The following CFAP299 variants were observed in gnomAD, a reference collection of about 807,000 sequenced individuals.
CFAP299 encodes the protein cilia and flagella associated protein 299.
Under a neutral mutation model 27.0 loss-of-function variants are expected in CFAP299, and 21 were observed. The observed-to-expected ratio is 0.78, with a 90% confidence interval of 0.55 to 1.12. The LOEUF is 1.12. Among genes scored for constraint, CFAP299 ranks in the 50% most tolerant of loss-of-function variants. CFAP299 has a pLI of 0.00. For synonymous variants in CFAP299, 104 were observed against 98.1 expected (o/e 1.06, Z -0.36); for missense variants, 310 against 276.6 (o/e 1.12, Z -0.86).
chr4:80,696,168 G>T (rs1332203339), intron 3 of CFAP299, among the ~76,000 whole-genome samples: 1 of 151,872 alleles, frequency 6.6e-6, no homozygotes, highest in African/African-American at 2.4e-5. Context: ...TGGCATGGTG[G>T]CACGCACGTG....
chr4:80,669,345 G>A (rs931603276), intron 3 of CFAP299, among the ~76,000 whole-genome samples: 1 of 150,618 alleles, frequency 6.6e-6, no homozygotes, highest in Admixed American at 6.6e-5. Flanking sequence ...TAGAGATGGG[G>A]TTTCACCATG....
intron 3 of CFAP299, among the ~76,000 whole-genome samples, chr4:80,784,530 T>C (rs1454850409): frequency 6.6e-6 from 1 of 152,146 alleles, no homozygotes; most frequent in Non-Finnish European, 1.5e-5. Flanking sequence ...TTTCTTTCTT[T>C]TTTTGAGACG....
intron 1 of CFAP299, among the ~76,000 whole-genome samples, chr4:80,338,814 C>T (rs1722289470): frequency 5.9e-5 from 9 of 152,224 alleles, no homozygotes; most frequent in Admixed American, 5.9e-4. Flanking sequence ...CAAACATTTA[C>T]TATCTTCCAG....
chr4:80,585,219 G>T (rs1482580632), intron 3 of CFAP299, among the ~76,000 whole-genome samples: 1 of 152,108 alleles, frequency 6.6e-6, no homozygotes, highest in African/African-American at 2.4e-5. Flanking sequence ...GTAGTCTTTG[G>T]AGATAGATAG....
intron 3 of CFAP299, among the ~76,000 whole-genome samples, chr4:80,786,183 A>T (rs1203841255): frequency 6.6e-6 from 1 of 152,056 alleles, no homozygotes; most frequent in Non-Finnish European, 1.5e-5. Flanking sequence ...TGAGGGCTAT[A>T]GTTTTTGCAG....
At chr4:80,360,988 A>G (rs1723516957) in intron 1 of CFAP299, among the ~76,000 whole-genome samples, 1 of 152,204 alleles carries the variant, frequency 6.6e-6, no homozygotes, top group African/African-American at 2.4e-5. Context: ...CAGATTCCTC[A>G]GATAACCTTG....
chr4:80,477,550 G>A (rs150315861), intron 2 of CFAP299, among the ~76,000 whole-genome samples: 212 of 152,136 alleles, frequency 1.4e-3, no homozygotes, highest in African/African-American at 4.6e-3. Context: ...CTTATCCCAC[G>A]ATCACACCTT....
chr4:80,717,972 C>G (rs1034249612), intron 3 of CFAP299, among the ~76,000 whole-genome samples: 3 of 151,968 alleles, frequency 2.0e-5, no homozygotes, highest in African/African-American at 7.2e-5. Flanking sequence ...ATTCTGGTAT[C>G]TATTATTTTT....
chr4:80,783,994 T>C (rs901963071), intron 3 of CFAP299, among the ~76,000 whole-genome samples: 3 of 151,938 alleles, frequency 2.0e-5, no homozygotes, highest in African/African-American at 4.8e-5. Flanking sequence ...TAAAGCAATA[T>C]TTTTGTCTGT....
chr4:80,511,498 A>G (rs1427277886), intron 2 of CFAP299, among the ~76,000 whole-genome samples: 1 of 152,180 alleles, frequency 6.6e-6, no homozygotes, highest in Non-Finnish European at 1.5e-5. Flanking sequence ...TAACTATGAC[A>G]TATTGAAGTA....
In CFAP299 at chr4:80,944,943, ATTC is replaced by A. The variant is rs1391961450; in HGVS notation, c.606+10_606+12del. 6.2e-7 allele frequency: 1 copy of A among 1,609,800 alleles called. No homozygotes were observed. Among genetic ancestry groups the A allele is most frequent in the Admixed American group, 1.7e-5 (1 of 59,240 alleles). On this transcript the variant is annotated splice_donor_5th_base_variant and intron_variant, in intron 5 of 5. Transcript: ENST00000358105. ...AATTCTTAATGTGGACCCAAAGGTA[ATTC>A]TTCTTTTACACTTAGTTAGTTACCT...
the CFAP299 span, among the ~76,000 whole-genome samples, chr4:80,325,020 G>A: frequency 3.3e-5 from 5 of 152,348 alleles, no homozygotes; most frequent in Admixed American, 2.0e-4. Flanking sequence ...CTACTCAGTA[G>A]GCTGAGGCAG....
intron 3 of CFAP299, among the ~76,000 whole-genome samples, chr4:80,864,715 A>G (rs1389588338): frequency 6.6e-6 from 1 of 151,774 alleles, no homozygotes; most frequent in Non-Finnish European, 1.5e-5. Flanking sequence ...TTCCATTTCC[A>G]TATCCCCTAA....
intron 2 of CFAP299, among the ~76,000 whole-genome samples, chr4:80,445,758 T>C (rs1323175743): frequency 1.3e-5 from 2 of 152,218 alleles, no homozygotes; most frequent in East Asian, 1.9e-4. Flanking sequence ...TAAGCAAATA[T>C]GTACTTCTGT....
intron 3 of CFAP299, among the ~76,000 whole-genome samples, chr4:80,668,658 A>G (rs1741264297): frequency 6.6e-6 from 1 of 152,068 alleles, no homozygotes. Context: ...CCTTTAGTAT[A>G]TATGTCTGTT....
intron 3 of CFAP299, among the ~76,000 whole-genome samples, chr4:80,682,510 T>C (rs999535743): frequency 6.6e-6 from 1 of 152,120 alleles, no homozygotes; most frequent in African/African-American, 2.4e-5. Flanking sequence ...CAGCTAAATT[T>C]TCTATCTAAA....
chr4:80,454,529 G>A (rs911355435), intron 2 of CFAP299, among the ~76,000 whole-genome samples: 3 of 152,128 alleles, frequency 2.0e-5, no homozygotes, highest in Admixed American at 1.3e-4. Flanking sequence ...ACCAGCACTC[G>A]GGCACACATG....
intron 4 of CFAP299, among the ~76,000 whole-genome samples, chr4:80,906,913 A>G (rs1735213294): frequency 2.0e-5 from 3 of 152,174 alleles, no homozygotes. Flanking sequence ...TTGTCTTGGT[A>G]ATTAACATTT....
intron 4 of CFAP299, among the ~76,000 whole-genome samples, chr4:80,916,835 G>A (rs1362015920): frequency 1.3e-5 from 2 of 152,012 alleles, no homozygotes; most frequent in Non-Finnish European, 2.9e-5. Flanking sequence ...ATTTTGAAAT[G>A]GTGATATATA....
Sources: allele counts gnomAD v4.1 joint callset (sites outside exome capture counted in the v4.1 genomes callset), GRCh38; gene constraint gnomAD v4.1.1; transcripts MANE v1.5; gene names NCBI Gene and HGNC (gene_info 2026-07-23, HGNC 2026-07-21).